AFF1: variants seen among roughly 807,000 people sequenced by gnomAD.
AFF1 encodes the protein AF4/FMR2 family member 1.
A neutral mutation model predicts 121.7 loss-of-function variants in AFF1; 48 were observed. The observed-to-expected ratio is 0.39, with a 90% confidence interval of 0.31 to 0.50. The LOEUF (loss-of-function observed/expected upper bound fraction) is 0.50. Among genes scored for constraint, AFF1 ranks in the 20% least tolerant of loss-of-function variants. The pLI, the probability that AFF1 is intolerant of heterozygous loss-of-function variation, is 0.76. For missense variants in AFF1, 1,523 were observed against 1,511.7 expected, an observed-to-expected ratio of 1.01 and a Z score of -0.12; for synonymous variants, 613 against 563.0, an observed-to-expected ratio of 1.09 and a Z score of -1.26.
intron 2 of AFF1, chr4:86,949,544 T>G: frequency 4.0e-6 from 1 of 251,842 alleles, no homozygotes; most frequent in Non-Finnish European, 6.6e-6. Flanking sequence ...ATTATTTTTT[T>G]TTTTTTTTTT....
chr4:86,945,410 C>T (rs1224363162), intron 1 of AFF1, among the ~76,000 whole-genome samples: 2 of 150,236 alleles, frequency 1.3e-5, no homozygotes, highest in East Asian at 1.9e-4. Context: ...CTGTAGCCTC[C>T]ACCTCCTGGG....
chr4:86,968,015 G>GT (rs1448583309), intron 2 of AFF1, among the ~76,000 whole-genome samples: 1 of 152,054 alleles, frequency 6.6e-6, no homozygotes, highest in Non-Finnish European at 1.5e-5. Flanking sequence ...AGAAGGCTTA[G>GT]TAAGGAGGTT....
chr4:87,023,859 A>G (rs1221558250), intron 2 of AFF1, among the ~76,000 whole-genome samples: 1 of 152,188 alleles, frequency 6.6e-6, no homozygotes, highest in Non-Finnish European at 1.5e-5. Flanking sequence ...TTGTGGATGG[A>G]GAAAGAGGAG....
intron 2 of AFF1, among the ~76,000 whole-genome samples, chr4:87,021,941 G>A (rs1198828999): frequency 6.6e-6 from 1 of 152,094 alleles, no homozygotes; most frequent in African/African-American, 2.4e-5. Context: ...AGTGGCACGC[G>A]CCTGTAATCT....
intron 2 of AFF1, among the ~76,000 whole-genome samples, chr4:87,022,468 A>G (rs1331606156): frequency 6.7e-6 from 1 of 149,484 alleles, no homozygotes; most frequent in Non-Finnish European, 1.5e-5. Context: ...GTGGTAGCTG[A>G]AGAAAAACTA....
Position 87,088,129 on chromosome 4 carries a change from GACTT to G in AFF1, c.1105-1849_1105-1846del, listed in dbSNP as rs1026579312. On this transcript the variant is annotated intron_variant, in intron 5 of 20. Transcript: ENST00000395146. ...GAGCATTGAGGATTAGGGTTCAGAT[GACTT>G]ACTTAGGCTGACATGGCTGGTAAGG... Among the ~76,000 whole-genome samples, 8 of 151,926 alleles carry G rather than the reference GACTT, an allele frequency of 5.3e-5. No individual in the cohort carries two copies. The South Asian group carries it at 6.2e-4, about 12-fold the overall frequency.
intron 8 of AFF1, among the ~76,000 whole-genome samples, chr4:87,105,364 G>C (rs1725806336): frequency 6.6e-6 from 1 of 152,192 alleles, no homozygotes; most frequent in African/African-American, 2.4e-5. Context: ...TGTAGCATGT[G>C]AAAGAGTCTG....
In AFF1 at chr4:87,127,706, T is replaced by A. The variant is rs762350385; in HGVS notation, c.2964+3T>A. 2 of 1,614,152 alleles carry A rather than the reference T, an allele frequency of 1.2e-6. No individual in the cohort carries two copies. The highest frequency in any genetic ancestry group is 1.7e-6 in the Non-Finnish European group (2 of 1,179,992). ...TGAAGCAGAAAGCAGAGTTAATGGT[T>A]AGTATTGGCCCTTTATCTCTTTGGT... is the stretch of plus-strand genomic sequence containing the variant. On this transcript the variant is annotated splice_donor_region_variant and intron_variant, in intron 16 of 20. Coordinates refer to ENST00000395146, the MANE Select transcript of AFF1 (RefSeq NM_001166693.3).
At chr4:86,973,805 C>G (rs1723109002) in intron 2 of AFF1, 1 of 144,884 alleles carries the variant, frequency 6.9e-6, no homozygotes, top group Non-Finnish European at 1.5e-5. Flanking sequence ...TTCCCTTTTC[C>G]TTTCCCTTTT....
intron 4 of AFF1, among the ~76,000 whole-genome samples, chr4:87,064,748 G>A (rs1255233229): frequency 6.6e-6 from 1 of 152,050 alleles, no homozygotes; most frequent in Admixed American, 6.5e-5. Context: ...GCATGGTGGT[G>A]GGTGCCTGTA....
intron 2 of AFF1, among the ~76,000 whole-genome samples, chr4:86,996,533 C>G (rs371695406): frequency 4.6e-5 from 7 of 151,052 alleles, no homozygotes; most frequent in South Asian, 4.2e-4. Context: ...GCAGCATGCT[C>G]GTTAAGAGTC....
chr4:86,955,704 A>G (rs1449497567), intron 2 of AFF1, among the ~76,000 whole-genome samples: 1 of 152,186 alleles, frequency 6.6e-6, no homozygotes, highest in East Asian at 1.9e-4. Context: ...AGGCTATACC[A>G]CCAAATGGGT....
chr4:87,113,070 G>A (rs963196700), intron 11 of AFF1, among the ~76,000 whole-genome samples: 2 of 152,158 alleles, frequency 1.3e-5, no homozygotes, highest in African/African-American at 4.8e-5. Flanking sequence ...TTTTAATAAG[G>A]TCTAACAGCC....
chr4:87,022,592 A>ATATATATATATATATATATATATATC (rs1465084690), intron 2 of AFF1, among the ~76,000 whole-genome samples: 1 of 99,844 alleles, frequency 1.0e-5, no homozygotes, highest in African/African-American at 4.7e-5. Context: ...ATCTATCTAT[A>ATATATATATATATATATATATATATC]TCTATCTGTG....
intron 2 of AFF1, among the ~76,000 whole-genome samples, chr4:87,005,116 G>A (rs1327463330): frequency 6.6e-6 from 1 of 152,176 alleles, no homozygotes; most frequent in Non-Finnish European, 1.5e-5. Context: ...TCTGGGATCA[G>A]AGATGCGTGC....
intron 2 of AFF1, among the ~76,000 whole-genome samples, chr4:87,022,251 A>G (rs1160802245): frequency 1.3e-5 from 2 of 151,676 alleles, no homozygotes; most frequent in Non-Finnish European, 2.9e-5. Flanking sequence ...AAACACTTTT[A>G]AAAGTCAAAA....
At chr4:87,020,173 A>G (rs973695212) in intron 2 of AFF1, among the ~76,000 whole-genome samples, 4 of 152,360 alleles carry the variant, frequency 2.6e-5, no homozygotes, top group Admixed American at 6.5e-5. Context: ...AATTACATAA[A>G]GTTGCTTCAA....
intron 4 of AFF1, among the ~76,000 whole-genome samples, chr4:87,049,170 C>T (rs1428837268): frequency 6.8e-6 from 1 of 146,328 alleles, no homozygotes; most frequent in Non-Finnish European, 1.5e-5. Flanking sequence ...AATTTTTAGA[C>T]AAATTAGCAA....
At chr4:87,063,530 C>T (rs114768454) in intron 4 of AFF1, among the ~76,000 whole-genome samples, 3,719 of 152,044 alleles carry the variant, frequency 0.024, 153 homozygotes, top group African/African-American at 0.084. Context: ...TGAGCCACCG[C>T]GCCCGGCCAG....
Sources: allele counts gnomAD v4.1 joint callset (sites outside exome capture counted in the v4.1 genomes callset), GRCh38; gene constraint gnomAD v4.1.1; transcripts MANE v1.5; gene names NCBI Gene and HGNC (gene_info 2026-07-23, HGNC 2026-07-21).